The following SCAI variants were observed in gnomAD, a reference collection of about 807,000 sequenced individuals.
SCAI encodes protein SCAI.
Under a neutral mutation model 92.2 loss-of-function variants are expected in SCAI, and 24 were observed. That is an observed-to-expected ratio of 0.26 (90% CI 0.19 to 0.37). SCAI has a LOEUF of 0.37. Among genes scored for constraint, SCAI ranks in the 10% least tolerant of loss-of-function variants. The pLI is 1.00. For synonymous variants in SCAI, 261 were observed against 258.6 expected (o/e 1.01, Z -0.09); for missense variants, 450 against 736.2 (o/e 0.61, Z 4.50).
intron 2 of SCAI, among the ~76,000 whole-genome samples, chr9:125,084,161 T>TTC: frequency 1.5e-5 from 1 of 67,190 alleles, no homozygotes; most frequent in South Asian, 5.4e-4. Flanking sequence ...GCTGCTGCTT[T>TTC]TTTTTTTTTT....
At chr9:125,009,922 C>T (rs531049005) in intron 9 of SCAI, among the ~76,000 whole-genome samples, 22 of 151,196 alleles carry the variant, frequency 1.5e-4, no homozygotes, top group Non-Finnish European at 2.2e-4. Flanking sequence ...GTTGGCCAGG[C>T]GAGGAGGCAC....
intron 6 of SCAI, among the ~76,000 whole-genome samples, chr9:125,023,170 GA>G (rs1281846038): frequency 6.6e-6 from 1 of 152,070 alleles, no homozygotes; most frequent in Non-Finnish European, 1.5e-5. Flanking sequence ...AATACAAGGG[GA>G]TAATTTTTTC....
chr9:124,975,737 T>A (rs754649058), intron 15 of SCAI, among the ~76,000 whole-genome samples: 12 of 152,220 alleles, frequency 7.9e-5, no homozygotes, highest in South Asian at 4.1e-4. Flanking sequence ...CTTAAAGTCT[T>A]AAAAGATGCC....
intron 2 of SCAI, among the ~76,000 whole-genome samples, chr9:125,057,204 G>A (rs1833686673): frequency 1.3e-5 from 2 of 152,128 alleles, no homozygotes; most frequent in Non-Finnish European, 1.5e-5. Flanking sequence ...ATGGACTGAA[G>A]AACAGAAAGG....
intron 2 of SCAI, among the ~76,000 whole-genome samples, chr9:125,126,139 T>C (rs1179463402): frequency 1.3e-5 from 2 of 152,178 alleles, no homozygotes; most frequent in East Asian, 1.9e-4. Context: ...ACTATAGTCA[T>C]CCTCAAGGCT....
At chr9:125,095,645 A>G (rs138816736) in intron 2 of SCAI, among the ~76,000 whole-genome samples, 400 of 152,318 alleles carry the variant, frequency 2.6e-3, no homozygotes, top group Non-Finnish European at 4.5e-3. Context: ...ATTTGAGGTG[A>G]AGTGATGTAA....
intron 17 of SCAI, among the ~76,000 whole-genome samples, chr9:124,963,262 G>T (rs1248915932): frequency 6.7e-6 from 1 of 150,300 alleles, no homozygotes; most frequent in African/African-American, 2.4e-5. Context: ...TCAGCCTCCC[G>T]AGCAGCTGGG....
intron 17 of SCAI, among the ~76,000 whole-genome samples, chr9:124,955,166 T>TAAAAAA (rs58659477): frequency 9.0e-6 from 1 of 111,268 alleles, no homozygotes; most frequent in Non-Finnish European, 1.9e-5. Context: ...AGACTCCGTC[T>TAAAAAA]AAAAAAAAAA....
chr9:125,095,813 G>A (rs73577899), intron 2 of SCAI, among the ~76,000 whole-genome samples: 2,123 of 152,178 alleles, frequency 0.014, 58 homozygotes, highest in African/African-American at 0.048. Flanking sequence ...GAAGAAGCCT[G>A]GAAAAACAAA....
At chr9:125,077,865 C>T (rs990170987) in intron 2 of SCAI, among the ~76,000 whole-genome samples, 3 of 151,992 alleles carry the variant, frequency 2.0e-5, no homozygotes, top group Non-Finnish European at 2.9e-5. Flanking sequence ...ATTATAGGCA[C>T]CTGCCACCAC....
At chr9:125,142,739 C>T (rs899459328) in intron 1 of SCAI, 62 bp from the exon 2 acceptor site, 87 of 1,452,844 alleles carry the variant, frequency 6.0e-5, no homozygotes, top group Non-Finnish European at 8.1e-5. Flanking sequence ...TCTCCCGGCG[C>T]TACCGTGCCA....
At chr9:124,957,160 T>C (rs962082635) in intron 17 of SCAI, among the ~76,000 whole-genome samples, 1 of 151,794 alleles carries the variant, frequency 6.6e-6, no homozygotes, top group Admixed American at 6.6e-5. Flanking sequence ...GCCCAAGTAA[T>C]TTTTTGTATT....
intron 17 of SCAI, among the ~76,000 whole-genome samples, chr9:124,962,051 C>CT (rs200279463): frequency 6.6e-5 from 10 of 151,304 alleles, no homozygotes; most frequent in South Asian, 2.1e-4. Flanking sequence ...TTATCAAACC[C>CT]TTTTTTTGCC....
chr9:124,963,825 A>C (rs1199643004), intron 17 of SCAI, among the ~76,000 whole-genome samples: 1 of 150,996 alleles, frequency 6.6e-6, no homozygotes, highest in African/African-American at 2.4e-5. Flanking sequence ...TTTACTATTC[A>C]TTAAATGGAA....
intron 2 of SCAI, among the ~76,000 whole-genome samples, chr9:125,081,852 A>G (rs1180799178): frequency 6.6e-6 from 1 of 152,178 alleles, no homozygotes; most frequent in Non-Finnish European, 1.5e-5. Context: ...TACAGACATG[A>G]GCCACCATGC....
rs1330818874 is a variant in SCAI, at chr9:124,951,823, C to T, written c.*984G>A. On this transcript the variant is annotated 3_prime_UTR_variant, in exon 18 of 18. Coordinates refer to ENST00000336505, the MANE Select transcript of SCAI (RefSeq NM_001144877.3). ...GTGCATGAATATAAAATACTAAATA[C>T]AGGGAATGTTAATAAATCTTATTTC... The T allele has an allele frequency of 6.6e-6, 1 of 152,134 alleles. No individual in the cohort carries two copies. Among genetic ancestry groups the T allele is most frequent in the East Asian group, 1.9e-4 (1 of 5,204 alleles). The allele number at this position is 152,134 out of a possible 1,614,324, so 9.4% of individuals were successfully genotyped here.
intron 17 of SCAI, chr9:124,968,840 C>T (rs962642797): frequency 1.6e-6 from 1 of 643,268 alleles, no homozygotes; most frequent in South Asian, 1.8e-5. Flanking sequence ...ATTCTGCTGG[C>T]CGCAGGGCCC....
intron 2 of SCAI, among the ~76,000 whole-genome samples, chr9:125,118,031 A>G (rs544464057): frequency 3.3e-5 from 5 of 152,298 alleles, no homozygotes; most frequent in African/African-American, 1.2e-4. Context: ...ACTCTGCGAA[A>G]AAAGTTATCC....
At chr9:124,988,562 C>T (rs1048242918) in intron 14 of SCAI, among the ~76,000 whole-genome samples, 2 of 151,704 alleles carry the variant, frequency 1.3e-5, no homozygotes, top group Admixed American at 1.3e-4. Context: ...GCATCTATTT[C>T]TATATATATG....
Sources: allele counts gnomAD v4.1 joint callset (sites outside exome capture counted in the v4.1 genomes callset), GRCh38; gene constraint gnomAD v4.1.1; transcripts MANE v1.5; gene names NCBI Gene and HGNC (gene_info 2026-07-23, HGNC 2026-07-21).